The following GRID2 variants were observed in gnomAD, a reference collection of about 807,000 sequenced individuals.
The protein encoded by GRID2 is glutamate receptor ionotropic, delta-2.
A neutral mutation model predicts 114.8 loss-of-function variants in GRID2; 33 were observed. The observed-to-expected ratio is 0.29, with a 90% CI of 0.22 to 0.38. GRID2 has a LOEUF of 0.38. Among genes scored for constraint, GRID2 ranks in the 10% least tolerant of loss-of-function variants. The pLI is 1.00. For missense variants in GRID2, 1,184 were observed against 1,257.7 expected, an observed-to-expected ratio of 0.94 and a Z score of 0.89; for synonymous variants, 505 against 449.9, an observed-to-expected ratio of 1.12 and a Z score of -1.55.
At chr4:93,052,024 G>A (rs987014827) in intron 2 of GRID2, among the ~76,000 whole-genome samples, 8 of 151,822 alleles carry the variant, frequency 5.3e-5, no homozygotes, top group South Asian at 2.1e-4. Flanking sequence ...TGGCAATTAC[G>A]TTAAAAATGG....
chr4:93,164,463 A>T (rs1738059259), intron 4 of GRID2, among the ~76,000 whole-genome samples: 1 of 152,116 alleles, frequency 6.6e-6, no homozygotes, highest in African/African-American at 2.4e-5. Flanking sequence ...AACACAGCTG[A>T]GATAGTCATA....
chr4:93,708,736 T>C (rs1447641825), intron 14 of GRID2, among the ~76,000 whole-genome samples: 1 of 152,002 alleles, frequency 6.6e-6, no homozygotes, highest in East Asian at 1.9e-4. Flanking sequence ...TTTTGTGGTC[T>C]TCCCTTCTTT....
intron 8 of GRID2, among the ~76,000 whole-genome samples, chr4:93,308,686 C>T (rs970429670): frequency 1.3e-5 from 2 of 152,152 alleles, no homozygotes; most frequent in Non-Finnish European, 2.9e-5. Context: ...GTCTGTGAAT[C>T]CTTTGGAGAA....
At chr4:93,629,933 A>G (rs1743090754) in intron 14 of GRID2, among the ~76,000 whole-genome samples, 1 of 152,196 alleles carries the variant, frequency 6.6e-6, no homozygotes, top group Non-Finnish European at 1.5e-5. Context: ...TTAGTGCATG[A>G]CTGCTATGCT....
intron 1 of GRID2, among the ~76,000 whole-genome samples, chr4:92,472,945 T>G (rs980845707): frequency 2.6e-5 from 4 of 152,086 alleles, no homozygotes; most frequent in African/African-American, 9.7e-5. Flanking sequence ...TATGGGCTTT[T>G]ATTTTAGCGT....
chr4:93,360,501 T>C (rs1761791780), intron 8 of GRID2, among the ~76,000 whole-genome samples: 1 of 152,032 alleles, frequency 6.6e-6, no homozygotes, highest in Non-Finnish European at 1.5e-5. Flanking sequence ...ATATCCTTTT[T>C]AAATGAATTT....
At chr4:92,564,411 C>T (rs1727238483) in intron 1 of GRID2, among the ~76,000 whole-genome samples, 1 of 151,946 alleles carries the variant, frequency 6.6e-6, no homozygotes, top group South Asian at 2.1e-4. Context: ...ATAAGCATTA[C>T]ATTAGTACAA....
intron 2 of GRID2, among the ~76,000 whole-genome samples, chr4:92,639,480 G>A (rs1408678677): frequency 6.6e-6 from 1 of 151,746 alleles, no homozygotes; most frequent in Admixed American, 6.6e-5. Flanking sequence ...ATAAACGTTA[G>A]ACTTAAAAAG....
chr4:93,772,155 A>G lies in GRID2; in HGVS notation c.2681A>G (p.Gln894Arg), dbSNP rs776964979. ...LCTDDDSPHK[Q>R]FSTSSIDLTP... Reference sequence around the variant, plus strand: ...ACAGATGACGACAGCCCCCATAAACAGTTTTCCACCTCGTCAATTGATTTG... The same window carrying G: ...ACAGATGACGACAGCCCCCATAAACGGTTTTCCACCTCGTCAATTGATTTG... The change falls in exon 16 of 16, where the codon CAG (glutamine) becomes CGG (arginine). Residue 894 changes from glutamine to arginine, a missense_variant. Transcript: ENST00000282020. The G allele has an allele frequency of 3.1e-6, 5 of 1,613,286 alleles. No individual in the cohort carries two copies. Among genetic ancestry groups the G allele is most frequent in the Non-Finnish European group, 1.7e-6 (2 of 1,179,294 alleles).
intron 2 of GRID2, among the ~76,000 whole-genome samples, chr4:92,746,142 A>G (rs1380453688): frequency 6.6e-6 from 1 of 152,114 alleles, no homozygotes; most frequent in Non-Finnish European, 1.5e-5. Context: ...CTGTCTCTGT[A>G]TATCTTCCTA....
At chr4:92,961,041 C>T (rs530196734) in intron 2 of GRID2, among the ~76,000 whole-genome samples, 84 of 151,962 alleles carry the variant, frequency 5.5e-4, no homozygotes, top group Admixed American at 1.2e-3. Flanking sequence ...CTTACAATAA[C>T]TCCCTAAAAA....
intron 8 of GRID2, among the ~76,000 whole-genome samples, chr4:93,392,289 TCCACATAA>T (rs1764934604): frequency 6.6e-6 from 1 of 152,018 alleles, no homozygotes; most frequent in South Asian, 2.1e-4. Flanking sequence ...AACAACCACC[TCCACATAA>T]CCAGAGAAGT....
At chr4:92,991,953 A>G (rs988245965) in intron 2 of GRID2, among the ~76,000 whole-genome samples, 4 of 152,200 alleles carry the variant, frequency 2.6e-5, no homozygotes, top group African/African-American at 7.2e-5. Context: ...CCAATACTTT[A>G]TATCAACGTA....
At chr4:93,701,089 C>T (rs1487895508) in intron 14 of GRID2, among the ~76,000 whole-genome samples, 1 of 152,012 alleles carries the variant, frequency 6.6e-6, no homozygotes, top group Admixed American at 6.6e-5. Context: ...GTGAAGGAAG[C>T]TTTGTTCAGC....
At chr4:92,975,742 C>T (rs1753832102) in intron 2 of GRID2, among the ~76,000 whole-genome samples, 1 of 152,022 alleles carries the variant, frequency 6.6e-6, no homozygotes. Flanking sequence ...GAAATTTGAG[C>T]ACTGCAACTC....
chr4:92,930,210 G>A (rs1750120390), intron 2 of GRID2, among the ~76,000 whole-genome samples: 1 of 151,282 alleles, frequency 6.6e-6, no homozygotes, highest in African/African-American at 2.4e-5. Flanking sequence ...ATCCAAAGGT[G>A]AATTATGTTT....
At chr4:93,533,679 C>G (rs538842549) in intron 13 of GRID2, among the ~76,000 whole-genome samples, 7 of 151,476 alleles carry the variant, frequency 4.6e-5, no homozygotes, top group Non-Finnish European at 1.0e-4. Flanking sequence ...TGTCAGCAAC[C>G]ATGCCTGGCC....
At chr4:93,558,327 G>C (rs137906421) in intron 13 of GRID2, among the ~76,000 whole-genome samples, 3 of 151,838 alleles carry the variant, frequency 2.0e-5, no homozygotes, top group Admixed American at 6.6e-5. Context: ...GAACAAAATA[G>C]ATAGACTACT....
intron 2 of GRID2, among the ~76,000 whole-genome samples, chr4:92,882,528 A>G (rs1746102654): frequency 6.6e-6 from 1 of 152,094 alleles, no homozygotes; most frequent in Non-Finnish European, 1.5e-5. Flanking sequence ...AATGCCTAGA[A>G]CTATATTAGG....
Sources: allele counts gnomAD v4.1 joint callset (sites outside exome capture counted in the v4.1 genomes callset), GRCh38; gene constraint gnomAD v4.1.1; transcripts MANE v1.5; gene names NCBI Gene and HGNC (gene_info 2026-07-23, HGNC 2026-07-21).